Variants in FAT4 observed in about 807,000 individuals in gnomAD.
FAT4 encodes protocadherin Fat 4.
In FAT4, 84 loss-of-function variants were observed where a neutral mutation model predicts 303.9. The ratio of observed to expected loss-of-function variants is 0.28; its 90% CI spans 0.23 to 0.33. FAT4 has a LOEUF of 0.33. Ranked by LOEUF, FAT4 falls within the 10% of genes least tolerant of loss-of-function variation. FAT4 has a pLI of 1.00. For missense variants in FAT4, 6,005 were observed against 6,146.8 expected (o/e 0.98, Z 0.77); for synonymous variants, 2,307 against 2,298.8 (o/e 1.00, Z -0.10).
chr4:125,339,447 C>A (rs540342542), intron 2 of FAT4, among the ~76,000 whole-genome samples: 1 of 152,062 alleles, frequency 6.6e-6, no homozygotes, highest in Non-Finnish European at 1.5e-5. Context: ...CCGCCTGCCT[C>A]GGCCTCCCAA....
chr4:125,430,321 C>T (rs1725242390), intron 7 of FAT4, among the ~76,000 whole-genome samples: 1 of 152,160 alleles, frequency 6.6e-6, no homozygotes, highest in Non-Finnish European at 1.5e-5. Context: ...ATAAGATTCA[C>T]TTGAAATTAA....
chr4:125,394,715 ATGGT>A (rs1423281041), intron 2 of FAT4, among the ~76,000 whole-genome samples: 2 of 152,174 alleles, frequency 1.3e-5, no homozygotes, highest in African/African-American at 4.8e-5. Flanking sequence ...AGGTATAGTA[ATGGT>A]TGGTGTCAGA....
intron 2 of FAT4, among the ~76,000 whole-genome samples, chr4:125,373,158 G>A (rs1422259040): frequency 1.3e-5 from 2 of 152,072 alleles, no homozygotes; most frequent in African/African-American, 4.8e-5. Flanking sequence ...GTTGAAATAT[G>A]TTTTAAAATT....
At chr4:125,421,555 C>G (rs1459146900) in intron 7 of FAT4, among the ~76,000 whole-genome samples, 2 of 152,244 alleles carry the variant, frequency 1.3e-5, no homozygotes, top group East Asian at 3.9e-4. Flanking sequence ...TAATATCTGC[C>G]ACTACTCTTT....
Position 125,316,178 on chromosome 4 carries a change from GC to G in FAT4, c.-13+204del, listed in dbSNP as rs1730575596. Among the ~76,000 whole-genome samples, 1 of 152,154 alleles carries G rather than the reference GC, an allele frequency of 6.6e-6. No individual in the cohort carries two copies. Among genetic ancestry groups the G allele is most frequent in the African/African-American group, 2.4e-5 (1 of 41,444 alleles). On this transcript the variant is annotated intron_variant, in intron 1 of 17. Transcript: ENST00000394329. This position sits in a 1 kb window ranked among gnomAD's most constrained non-coding sequence, Gnocchi z 5.7. ...AGCTCACAGGAGTGTCCCGCGGAAT[GC>G]CCTGCCGCTTTTCGCCACAGCATCT... is the stretch of plus-strand genomic sequence containing the variant.
At chr4:125,372,186 AAAAAAAG>A (rs796821972) in intron 2 of FAT4, among the ~76,000 whole-genome samples, 16 of 152,008 alleles carry the variant, frequency 1.1e-4, no homozygotes, top group African/African-American at 3.9e-4. Context: ...GTCTCCACCA[AAAAAAAG>A]AAAAAAGAAA....
chr4:125,339,203 G>A (rs1214098075), intron 2 of FAT4, among the ~76,000 whole-genome samples: 2 of 151,684 alleles, frequency 1.3e-5, no homozygotes, highest in Non-Finnish European at 2.9e-5. Flanking sequence ...TTGCCCTGTC[G>A]CCCAGGCTGG....
intron 10 of FAT4, among the ~76,000 whole-genome samples, chr4:125,457,719 A>T (rs2126066755): frequency 6.6e-6 from 1 of 152,174 alleles, no homozygotes; most frequent in African/African-American, 2.4e-5. Flanking sequence ...GGCCATGTGA[A>T]AAATTAATTT....
rs1227436930 is a variant in FAT4, at chr4:125,321,181, G to T, written c.4770G>T (p.Leu1590Phe). The stretch of plus-strand genomic sequence containing the variant: ...GAGACCTGAGAGTGGCTTCAGCGTT[G>T]GTGCCTTCACAGTTGATCTACAATC... ...YSGDLRVASALVPSQLIYNLI... is the reference protein window; with the variant it reads ...YSGDLRVASAFVPSQLIYNLI... Residue 1590 changes from leucine to phenylalanine, a missense_variant, in exon 2 of 18, where the codon TTG becomes TTT. Coordinates refer to ENST00000394329, the MANE Select transcript of FAT4 (RefSeq NM_001291303.3). 23 of 1,613,990 alleles carry T rather than the reference G, an allele frequency of 1.4e-5. No individual in the cohort carries two copies. Among genetic ancestry groups the T allele is most frequent in the Non-Finnish European group, 1.9e-5 (22 of 1,180,004 alleles).
intron 2 of FAT4, among the ~76,000 whole-genome samples, chr4:125,326,128 A>G (rs1731148834): frequency 6.6e-6 from 1 of 152,112 alleles, no homozygotes; most frequent in Non-Finnish European, 1.5e-5. Context: ...TATTAGGTAA[A>G]TGGACTATGA....
chr4:125,347,095 G>A (rs1732031706), intron 2 of FAT4, among the ~76,000 whole-genome samples: 1 of 151,878 alleles, frequency 6.6e-6, no homozygotes, highest in Admixed American at 6.6e-5. Context: ...GCATCAGCCT[G>A]AGCGGTAGGC....
intron 2 of FAT4, among the ~76,000 whole-genome samples, chr4:125,323,831 T>C (rs996641497): frequency 2.0e-5 from 3 of 152,214 alleles, no homozygotes; most frequent in African/African-American, 7.2e-5. Context: ...GTCCAGCGCA[T>C]TTTAAAAAAT....
At chr4:125,361,298 G>T (rs946901445) in intron 2 of FAT4, among the ~76,000 whole-genome samples, 3 of 152,028 alleles carry the variant, frequency 2.0e-5, no homozygotes, top group Non-Finnish European at 4.4e-5. Context: ...GTTTGGTATG[G>T]CATGACAGTG....
At chr4:125,456,137 GT>G (rs1007637547) in intron 10 of FAT4, among the ~76,000 whole-genome samples, 2 of 152,130 alleles carry the variant, frequency 1.3e-5, no homozygotes, top group African/African-American at 4.8e-5. Flanking sequence ...GGAAAAGGTA[GT>G]TTTCAGACTT....
At chr4:125,402,586 C>T (rs551685256) in intron 3 of FAT4, among the ~76,000 whole-genome samples, 2 of 152,094 alleles carry the variant, frequency 1.3e-5, no homozygotes, top group African/African-American at 4.8e-5. Context: ...AATGTTAAGA[C>T]TGGCCTGAAG....
Position 125,408,472 on chromosome 4 carries a change from G to T in FAT4, c.5598G>T (p.Thr1866=). 6.2e-7 allele frequency: 1 copy of T among 1,600,236 alleles called. No individual in the cohort carries two copies. The highest frequency in any genetic ancestry group is 1.1e-5 in the South Asian group (1 of 88,392). The stretch of plus-strand genomic sequence containing the variant: ...CTTTGGTAGCAGCCATTTTAGCCAC[G>T]GATGATGACTCTGGTGTGAATGGAG... ...PGSLVAAILA[T]DDDSGVNGEI... Residue 1866 remains threonine (T), a synonymous_variant, in exon 5 of 18, where the codon ACG becomes ACT. Coordinates refer to ENST00000394329, the MANE Select transcript of FAT4 (RefSeq NM_001291303.3).
Position 125,381,023 on chromosome 4 carries a change from A to G in FAT4, c.5176-17761A>G, listed in dbSNP as rs1019684670. Among the ~76,000 whole-genome samples the G allele has an allele frequency of 2.6e-5, 4 of 152,200 alleles. No homozygotes were observed. The East Asian group carries it at 7.7e-4, about 29-fold the overall frequency. On this transcript the variant is annotated intron_variant, in intron 2 of 17. Transcript: ENST00000394329. ...TGATTACCTATTACAGAAACATTCC[A>G]ATTTCAATAAAACTAACGTTAGTAG...
chr4:125,378,431 T>G (rs571745701), intron 2 of FAT4, among the ~76,000 whole-genome samples: 2 of 152,214 alleles, frequency 1.3e-5, no homozygotes, highest in Admixed American at 1.3e-4. Flanking sequence ...TAACTATACA[T>G]CACATATCAA....
At chr4:125,375,042 A>G (rs965215586) in intron 2 of FAT4, among the ~76,000 whole-genome samples, 10 of 152,204 alleles carry the variant, frequency 6.6e-5, no homozygotes, top group African/African-American at 2.4e-4. Flanking sequence ...TGGCATCTTC[A>G]GAGCAAGATG....
Sources: gnomAD v4.1 joint callset for allele counts (sites outside exome capture counted in the v4.1 genomes callset) on GRCh38, gnomAD v4.1.1 for gene constraint, Gnocchi (gnomAD v3.1) non-coding constraint, MANE v1.5 for transcripts, NCBI Gene and HGNC (gene_info 2026-07-23, HGNC 2026-07-21) for gene names.